Variants in XIRP2 observed in about 807,000 individuals in gnomAD.
The protein encoded by XIRP2 is xin actin-binding repeat-containing protein 2.
A neutral mutation model predicts 277.0 loss-of-function variants in XIRP2; 236 were observed. The ratio of observed to expected loss-of-function variants is 0.85; its 90% CI spans 0.77 to 0.95. XIRP2 has a LOEUF of 0.95. Ranked by LOEUF, XIRP2 falls within the 40% of genes least tolerant of loss-of-function variation. XIRP2 has a pLI of 0.00. For synonymous variants in XIRP2, 1,490 were observed against 1,416.5 expected (o/e 1.05, Z -1.17); for missense variants, 4,640 against 4,157.5 (o/e 1.12, Z -3.19).
chr2:166,999,716 A>C (rs1484124153), intron 2 of XIRP2, among the ~76,000 whole-genome samples: 36 of 152,190 alleles, frequency 2.4e-4, no homozygotes, highest in Admixed American at 2.4e-3. Context: ...TCTTACAGGG[A>C]AACATAGAGC....
intron 3 of XIRP2, among the ~76,000 whole-genome samples, chr2:167,150,150 TA>T (rs200821193): frequency 0.088 from 13,337 of 151,100 alleles, 619 homozygotes; most frequent in South Asian, 0.15. Flanking sequence ...GTTCATTCCT[TA>T]AAAAAAAATC....
chr2:167,110,046 T>TAG (rs1690712812), intron 2 of XIRP2, among the ~76,000 whole-genome samples: 1 of 152,184 alleles, frequency 6.6e-6, no homozygotes, highest in Non-Finnish European at 1.5e-5. Context: ...TAAATTTGTT[T>TAG]AAGTTCCTTG....
intron 6 of XIRP2, 119 bp from the exon 7 acceptor site, chr2:167,240,543 ATC>A (rs1390045216): frequency 1.1e-5 from 8 of 750,228 alleles, no homozygotes; most frequent in Non-Finnish European, 1.8e-5. Flanking sequence ...CTTAATTAGC[ATC>A]TCTCAATGTA....
intron 4 of XIRP2, among the ~76,000 whole-genome samples, chr2:167,217,517 G>T (rs932167427): frequency 2.0e-5 from 3 of 151,988 alleles, no homozygotes; most frequent in African/African-American, 7.2e-5. Context: ...TTCTGTTCTA[G>T]CTGTGAGAAC....
chr2:167,250,978 G>A lies in XIRP2; in HGVS notation c.9586G>A (p.Ala3196Thr). ...KDTTAKLSKG[A>T]IPCPAATPVP... ...CACCACTGCAAAGTTATCCAAAGGG[G>A]CCATCCCATGTCCAGCAGCAACCCC... is the stretch of plus-strand genomic sequence containing the variant. The change falls in exon 9 of 11, where the codon GCC becomes ACC. Residue 3196 changes from alanine (A) to threonine (T), a missense_variant. Coordinates refer to ENST00000409195, the MANE Select transcript of XIRP2 (RefSeq NM_152381.6). 1 of 1,613,554 alleles carries A rather than the reference G, an allele frequency of 6.2e-7. No homozygotes were observed. Among genetic ancestry groups the A allele is most frequent in the East Asian group, 2.2e-5 (1 of 44,820 alleles).
chr2:167,065,171 T>C lies in XIRP2; in HGVS notation c.409-70738T>C, dbSNP rs146592588. Among the ~76,000 whole-genome samples the C allele has an allele frequency of 2.0e-5, 3 of 152,060 alleles. No homozygotes were observed. In the East Asian group the frequency reaches 5.8e-4, roughly 29 times the overall value. On this transcript the variant is annotated intron_variant, in intron 2 of 10. Transcript: ENST00000409195. Reference sequence around the variant, plus strand: ...AAATCCTTGTCAATACTTGTTATTTTCTTTTATTTTGACAGTAGCCAATCT... The same window carrying C: ...AAATCCTTGTCAATACTTGTTATTTCCTTTTATTTTGACAGTAGCCAATCT...
At chr2:167,094,876 G>C (rs1045779214) in intron 2 of XIRP2, among the ~76,000 whole-genome samples, 2 of 152,158 alleles carry the variant, frequency 1.3e-5, no homozygotes, top group South Asian at 4.2e-4. Context: ...AGCTTGATGG[G>C]GATAGCATTG....
At chr2:167,111,184 T>A (rs1558983641) in intron 2 of XIRP2, among the ~76,000 whole-genome samples, 1 of 152,250 alleles carries the variant, frequency 6.6e-6, no homozygotes, top group East Asian at 1.9e-4. Flanking sequence ...CTTGACTGAT[T>A]GTTATGGCCA....
At chr2:166,912,873 C>T (rs183964000) in intron 2 of XIRP2, among the ~76,000 whole-genome samples, 2 of 78,154 alleles carry the variant, frequency 2.6e-5, no homozygotes, top group Non-Finnish European at 4.2e-5. Flanking sequence ...GAGGTCCACT[C>T]GAGACCGTTT....
intron 2 of XIRP2, among the ~76,000 whole-genome samples, chr2:167,088,853 G>T (rs1270176632): frequency 6.6e-6 from 1 of 152,016 alleles, no homozygotes; most frequent in Non-Finnish European, 1.5e-5. Flanking sequence ...CATTCACTAT[G>T]CCCCAAGATA....
At chr2:167,097,316 T>C (rs1431450492) in intron 2 of XIRP2, among the ~76,000 whole-genome samples, 2 of 152,354 alleles carry the variant, frequency 1.3e-5, no homozygotes, top group South Asian at 2.1e-4. Flanking sequence ...CTTTGTCTTT[T>C]TTGATTTTTG....
At chr2:166,978,242 A>C (rs879704436) in intron 2 of XIRP2, among the ~76,000 whole-genome samples, 1 of 152,124 alleles carries the variant, frequency 6.6e-6, no homozygotes, top group African/African-American at 2.4e-5. Context: ...TCTATTTTTT[A>C]ATATTCATGT....
chr2:167,097,359 A>G (rs1054166251), intron 2 of XIRP2, among the ~76,000 whole-genome samples: 5 of 145,452 alleles, frequency 3.4e-5, no homozygotes, highest in Non-Finnish European at 7.4e-5. Context: ...AGAGACTAGG[A>G]TTGCAACCCC....
chr2:166,912,378 C>A (rs1558913349), intron 2 of XIRP2, among the ~76,000 whole-genome samples: 1 of 152,100 alleles, frequency 6.6e-6, no homozygotes, highest in Non-Finnish European at 1.5e-5. Context: ...TCACTGATAC[C>A]CTTTCTTCTA....
intron 2 of XIRP2, among the ~76,000 whole-genome samples, chr2:167,121,418 G>A (rs12619579): frequency 0.3 from 44,858 of 152,008 alleles, 9,096 homozygotes; most frequent in African/African-American, 0.58. Context: ...AAATGGATGT[G>A]AAAACAGAGA....
At chr2:167,073,113 C>T (rs1689475404) in intron 2 of XIRP2, among the ~76,000 whole-genome samples, 2 of 152,106 alleles carry the variant, frequency 1.3e-5, no homozygotes, top group Admixed American at 6.5e-5. Context: ...ATTTTAAACA[C>T]ATTTCAAATG....
intron 2 of XIRP2, among the ~76,000 whole-genome samples, chr2:166,939,914 A>T (rs1685652934): frequency 6.6e-6 from 1 of 151,976 alleles, no homozygotes; most frequent in African/African-American, 2.4e-5. Flanking sequence ...TGAATCTGAC[A>T]ATTATGTGTC....
In XIRP2 at chr2:167,218,193, G is replaced by A. The variant is rs775365984; in HGVS notation, c.751G>A (p.Val251Met). The A allele has an allele frequency of 6.2e-7, 1 of 1,603,796 alleles. No homozygotes were observed. Among genetic ancestry groups the A allele is most frequent in the South Asian group, 1.1e-5 (1 of 89,084 alleles). ...GATGGAAGAATCAGAAATGTGCGCA[G>A]TGCCTGGTGGTTTGGCCAAGGTGAA... The part of the protein sequence containing the change: ...NMMEESEMCA[V>M]PGGLAKVKKQ... The change falls in exon 5 of 11, where the codon GTG (valine) becomes ATG (methionine). Residue 251 changes from valine (V) to methionine (M), a missense_variant. Coordinates refer to ENST00000409195, the MANE Select transcript of XIRP2 (RefSeq NM_152381.6).
intron 2 of XIRP2, among the ~76,000 whole-genome samples, chr2:166,906,797 A>G (rs939092165): frequency 2.0e-5 from 3 of 152,068 alleles, no homozygotes; most frequent in African/African-American, 7.2e-5. Context: ...TGTCTCTACA[A>G]ATATTTAAAA....
Sources: allele counts gnomAD v4.1 joint callset (sites outside exome capture counted in the v4.1 genomes callset), GRCh38; gene constraint gnomAD v4.1.1; transcripts MANE v1.5; gene names NCBI Gene and HGNC (gene_info 2026-07-23, HGNC 2026-07-21).